The following POLR1B variants were observed in gnomAD, a reference collection of about 807,000 sequenced individuals.
POLR1B encodes RNA polymerase I subunit B, also known as DNA-directed RNA polymerase I subunit RPA2.
In POLR1B, 30 loss-of-function variants were observed where a neutral mutation model predicts 105.8. The observed-to-expected ratio is 0.28, with a 90% CI of 0.21 to 0.38. The LOEUF (loss-of-function observed/expected upper bound fraction) is 0.38. Among genes scored for constraint, POLR1B ranks in the 10% least tolerant of loss-of-function variants. The probability of loss-of-function intolerance (pLI) is 1.00; values close to 1 mark genes in which losing one functional copy is unlikely to be tolerated. For synonymous variants in POLR1B, 485 were observed against 505.1 expected (o/e 0.96, Z 0.53); for missense variants, 976 against 1,435.8 (o/e 0.68, Z 5.17).
At chr2:112,542,336 G>A (rs764276732), upstream of POLR1B, 117 of 1,544,334 alleles carry the variant, frequency 7.6e-5, no homozygotes, top group Non-Finnish European at 9.9e-5. Context: ...TTGACCCCGA[G>A]AAACCGAAAC....
At chr2:112,542,738 C>T in intron 1 of POLR1B, 67 bp downstream of exon 1, 1 of 1,569,448 alleles carries the variant, frequency 6.4e-7, no homozygotes, top group Non-Finnish European at 8.7e-7. Context: ...GCTGGGAGGT[C>T]ACAGTATGAC....
chr2:112,556,132 A>G (rs899514513), intron 7 of POLR1B, among the ~76,000 whole-genome samples: 1 of 152,230 alleles, frequency 6.6e-6, no homozygotes, highest in Non-Finnish European at 1.5e-5. Context: ...CCTGATAAAA[A>G]CATTTATGAC....
At position 112,575,495 on chromosome 2, in the gene POLR1B, C is replaced by G. The variant is rs777743717; in HGVS notation, c.3174C>G (p.Leu1058=). Residue 1058 remains leucine, a synonymous_variant, in exon 15 of 15, where the codon CTC becomes CTG. Coordinates refer to ENST00000263331, the MANE Select transcript of POLR1B (RefSeq NM_019014.6). The surrounding 1 kb of genome is among the most constrained non-coding windows in gnomAD (Gnocchi z 5.3). ...CATCTTTTCTCCTTCATGACCGCCT[C>G]TTCAACTGCTCAGATCGGTCGGTAG... ...HGTSFLLHDR[L]FNCSDRSVAH... 4 of 1,614,176 alleles carry G rather than the reference C, an allele frequency of 2.5e-6. No individual in the cohort carries two copies. The highest frequency in any genetic ancestry group is 3.4e-6 in the Non-Finnish European group (4 of 1,180,036).
chr2:112,568,759 T>C lies in POLR1B; in HGVS notation c.1931T>C (p.Val644Ala), dbSNP rs772085497. The change falls in exon 12 of 15, where the codon GTC (valine) becomes GCC (alanine). Residue 644 changes from valine (V) to alanine (A), a missense_variant. Transcript: ENST00000263331. ...CTGCTCTTCCAGATCTTCATGAATG[T>C]CGCTATCTTTGAGGATGAAGTTTTT... ...IGTMEQIFMN[V>A]AIFEDEVFAG... 3.1e-6 allele frequency: 5 copies of C among 1,614,104 alleles called. No homozygotes were observed. The Admixed American group carries it at 6.7e-5, about 22-fold the overall frequency.
chr2:112,562,309 G>T (rs1401077810), intron 9 of POLR1B, among the ~76,000 whole-genome samples: 2 of 152,042 alleles, frequency 1.3e-5, no homozygotes, highest in Admixed American at 1.3e-4. Context: ...GCATTTAGGT[G>T]GCTTAGAAAT....
Position 112,559,536 on chromosome 2 carries a change from T to C in POLR1B, c.1574T>C (p.Val525Ala). 1.2e-6 allele frequency: 2 copies of C among 1,614,260 alleles called. No homozygotes were observed. The highest frequency in any genetic ancestry group is 1.7e-6 in the Non-Finnish European group (2 of 1,180,036). The change falls in exon 9 of 15, where the codon GTG (valine) becomes GCG (alanine). Residue 525 changes from valine to alanine, a missense_variant. By Grantham distance (64) the Val-to-Ala change is moderately conservative. Coordinates refer to ENST00000263331, the MANE Select transcript of POLR1B (RefSeq NM_019014.6). Reference sequence around the variant, plus strand: ...GTATGTGAGGTTGTCACACAGTTTGTGTATACGGCATCTATTCCAGCTTTA... The same window carrying C: ...GTATGTGAGGTTGTCACACAGTTTGCGTATACGGCATCTATTCCAGCTTTA... Reference protein sequence around the residue: ...TAVCEVVTQFVYTASIPALLC... With the variant: ...TAVCEVVTQFAYTASIPALLC...
chr2:112,573,430 G>A (rs1309865988), intron 13 of POLR1B, 132 bp from the exon 14 acceptor site: 4 of 1,218,414 alleles, frequency 3.3e-6, no homozygotes, highest in Non-Finnish European at 4.5e-6. Context: ...GTTAGTATCA[G>A]TGATTTGGAA....
chr2:112,557,890 AT>A lies in POLR1B; in HGVS notation c.1159-12del, dbSNP rs148809989. The A allele has an allele frequency of 1.2e-5, 15 of 1,210,922 alleles. No homozygotes were observed. Among genetic ancestry groups the A allele is most frequent in the South Asian group, 9.5e-5 (3 of 31,502 alleles). 75.0% of individuals were successfully genotyped at this position (1,210,922 alleles called of 1,614,324 possible). A position where few individuals can be genotyped will look rare whatever the true frequency, so the allele number is the denominator to read the frequency against. ...CTGGCTCACATACTATTTTATATTA[AT>A]TTTTTTTCCTTATTTCAGGAAAAAC... On this transcript the variant is annotated intron_variant, in intron 7 of 14. Transcript: ENST00000263331.
At chr2:112,567,823 C>T (rs1406772825) in intron 10 of POLR1B, 144 bp from the exon 11 acceptor site, 1 of 631,768 alleles carries the variant, frequency 1.6e-6, no homozygotes, top group Non-Finnish European at 2.8e-6. Context: ...AGTGATTTGC[C>T]TACTAGCTGG....
intron 13 of POLR1B, among the ~76,000 whole-genome samples, chr2:112,573,004 G>C (rs1355714591): frequency 6.6e-6 from 1 of 152,078 alleles, no homozygotes; most frequent in East Asian, 1.9e-4. Context: ...TTTGAAGTTT[G>C]GTTTTGGATC....
chr2:112,551,677 C>T (rs1574098656), intron 5 of POLR1B, 98 bp from the exon 6 acceptor site: 1 of 991,338 alleles, frequency 1.0e-6, no homozygotes, highest in East Asian at 2.6e-5. Flanking sequence ...TGCTAATTTT[C>T]CTTGGGTATT....
intron 7 of POLR1B, among the ~76,000 whole-genome samples, chr2:112,553,107 T>C (rs1052150290): frequency 6.6e-6 from 1 of 152,254 alleles, no homozygotes. Context: ...TCATTATTTG[T>C]AGATTCTGTA....
chr2:112,551,288 A>G (rs945829674), intron 5 of POLR1B, among the ~76,000 whole-genome samples: 11 of 152,208 alleles, frequency 7.2e-5, no homozygotes, highest in African/African-American at 2.7e-4. Flanking sequence ...CAGGACTTCC[A>G]AGGTGGCTCA....
rs1435803467 is a variant in POLR1B at position 112,575,021 on chromosome 2, G to A, written c.2700G>A (p.Glu900=). 1.2e-6 allele frequency: 2 copies of A among 1,614,214 alleles called. No homozygotes were observed. The highest frequency in any genetic ancestry group is 2.2e-5 in the South Asian group (2 of 91,086). Residue 900 remains glutamate (E), a synonymous_variant, in exon 15 of 15, where the codon GAG becomes GAA. Transcript: ENST00000263331. This position sits in a 1 kb window ranked among gnomAD's most constrained non-coding sequence, Gnocchi z 5.3. Reference sequence around the variant, plus strand: ...TTTTAAGCAGATTGTGGCCGGCTGAGGACATGCCTTTTACTGAGAGTGGGA... The same window carrying A: ...TTTTAAGCAGATTGTGGCCGGCTGAAGACATGCCTTTTACTGAGAGTGGGA... The part of the protein sequence containing the change: ...KGILSRLWPA[E]DMPFTESGMV...
chr2:112,574,221 A>T (rs1451693660), intron 14 of POLR1B, among the ~76,000 whole-genome samples: 1 of 152,152 alleles, frequency 6.6e-6, no homozygotes, highest in African/African-American at 2.4e-5. Flanking sequence ...AATGTTTCCT[A>T]GCCAAAATGT....
At chr2:112,565,779 T>C (rs1684244796) in intron 10 of POLR1B, among the ~76,000 whole-genome samples, 1 of 152,210 alleles carries the variant, frequency 6.6e-6, no homozygotes, top group East Asian at 1.9e-4. Context: ...GGATGACTGA[T>C]GGAATCATTG....
intron 9 of POLR1B, 67 bp from the exon 10 acceptor site, chr2:112,564,299 C>T (rs1479544059): frequency 2.5e-6 from 4 of 1,579,988 alleles, no homozygotes; most frequent in Non-Finnish European, 2.6e-6. Context: ...TTGACCCCAT[C>T]TGGAGGGAAT....
At chr2:112,542,354 C>T (rs774534766), upstream of POLR1B, 46 of 1,572,434 alleles carry the variant, frequency 2.9e-5, no homozygotes, top group South Asian at 5.3e-4. Flanking sequence ...AACCGCAGGG[C>T]CTAGGGCGGG....
intron 4 of POLR1B, among the ~76,000 whole-genome samples, chr2:112,549,709 A>G (rs1418720273): frequency 6.6e-6 from 1 of 152,058 alleles, no homozygotes; most frequent in Non-Finnish European, 1.5e-5. Context: ...TGGAAGAAGA[A>G]ATGGAGAGAT....
Sources: allele counts gnomAD v4.1 joint callset (sites outside exome capture counted in the v4.1 genomes callset), GRCh38; gene constraint gnomAD v4.1.1; non-coding constraint Gnocchi (gnomAD v3.1); transcripts MANE v1.5; gene names NCBI Gene and HGNC (gene_info 2026-07-23, HGNC 2026-07-21).